Variants in SLC9A9 observed in about 807,000 individuals in gnomAD.
SLC9A9 encodes sodium/hydrogen exchanger 9.
SLC9A9 carries 62 observed loss-of-function variants against 77.8 expected under a neutral mutation model. That is an observed-to-expected ratio of 0.80 (90% CI 0.65 to 0.98). The LOEUF is 0.98. SLC9A9 is among the 50% of genes least tolerant of loss of function. The pLI is 0.00. For synonymous variants in SLC9A9, 320 were observed against 283.5 expected (o/e 1.13, Z -1.29); for missense variants, 775 against 774.9 (o/e 1.00, Z 0.00).
At chr3:143,426,135 G>C (rs1056094224) in intron 12 of SLC9A9, among the ~76,000 whole-genome samples, 7 of 152,134 alleles carry the variant, frequency 4.6e-5, no homozygotes, top group African/African-American at 1.4e-4. Context: ...TCCTTGCTGA[G>C]ACAAGAGGCA....
chr3:143,414,697 T>C (rs554059774), intron 12 of SLC9A9, among the ~76,000 whole-genome samples: 2 of 152,256 alleles, frequency 1.3e-5, no homozygotes, highest in Non-Finnish European at 2.9e-5. Flanking sequence ...CCTCTCTCTC[T>C]CTCTCCTCAG....
rs1050083981 is a variant in SLC9A9, at chr3:143,816,386, G to T, written c.378+15633C>A. Among the ~76,000 whole-genome samples the T allele has an allele frequency of 5.9e-5, 9 of 152,052 alleles. No individual in the cohort carries two copies. The East Asian group carries it at 1.3e-3, about 23-fold the overall frequency. ...AACCACCTAATTTTAAAATACTTTT[G>T]TATATTTGTATGTTTTAAAATTGTA... On this transcript the variant is annotated intron_variant, in intron 2 of 15. Coordinates refer to ENST00000316549, the MANE Select transcript of SLC9A9 (RefSeq NM_173653.4).
intron 10 of SLC9A9, 49 bp from the exon 11 acceptor site, chr3:143,493,813 G>T: frequency 7.4e-7 from 1 of 1,349,924 alleles, no homozygotes; most frequent in Non-Finnish European, 1.1e-6. Context: ...CTGCAATGAT[G>T]GTTTGAATCC....
In SLC9A9 at chr3:143,321,928, C is replaced by T. The variant is rs551638804; in HGVS notation, c.1604+41556G>A. On this transcript the variant is annotated intron_variant, in intron 14 of 15. Coordinates refer to ENST00000316549, the MANE Select transcript of SLC9A9 (RefSeq NM_173653.4). ...ATATCCACACAACATCTGGATGAGG[C>T]CTTGTGTCCCAAGTTAGGAACCCTT... is the stretch of plus-strand genomic sequence containing the variant. Among the ~76,000 whole-genome samples, 82 of 152,232 alleles carry T rather than the reference C, an allele frequency of 5.4e-4. 1 individual carries two copies. Among genetic ancestry groups the T allele is most frequent in the African/African-American group, 2.0e-3 (81 of 41,532 alleles).
At chr3:143,622,731 C>T (rs1448767070) in intron 6 of SLC9A9, among the ~76,000 whole-genome samples, 2 of 152,192 alleles carry the variant, frequency 1.3e-5, no homozygotes, top group Non-Finnish European at 2.9e-5. Flanking sequence ...AACCAGCTAA[C>T]ATCACAATGA....
At chr3:143,549,104 A>G (rs933781307) in intron 9 of SLC9A9, among the ~76,000 whole-genome samples, 1 of 152,258 alleles carries the variant, frequency 6.6e-6, no homozygotes, top group Admixed American at 6.5e-5. Context: ...ATGTAACATC[A>G]TATAATACTT....
chr3:143,386,936 G>A (rs1395378011), intron 12 of SLC9A9, among the ~76,000 whole-genome samples: 2 of 152,196 alleles, frequency 1.3e-5, no homozygotes, highest in Admixed American at 6.5e-5. Flanking sequence ...CACCTCCTGG[G>A]TTCAAGTGAT....
chr3:143,568,484 T>A (rs1243795144), intron 8 of SLC9A9, among the ~76,000 whole-genome samples: 1 of 152,186 alleles, frequency 6.6e-6, no homozygotes, highest in Non-Finnish European at 1.5e-5. Flanking sequence ...CTTCATTTTT[T>A]AACTTAATAA....
chr3:143,441,890 C>G (rs373810258), intron 12 of SLC9A9, among the ~76,000 whole-genome samples: 1 of 151,618 alleles, frequency 6.6e-6, no homozygotes, highest in African/African-American at 2.4e-5. Context: ...ACTCATCCAT[C>G]CATCTCTACT....
At chr3:143,811,944 C>G (rs2008879512) in intron 2 of SLC9A9, among the ~76,000 whole-genome samples, 1 of 151,580 alleles carries the variant, frequency 6.6e-6, no homozygotes, top group Admixed American at 6.6e-5. Context: ...AATATTGAAG[C>G]AATGGTTTGA....
At chr3:143,726,942 T>G (rs1258659664) in intron 4 of SLC9A9, among the ~76,000 whole-genome samples, 1 of 152,138 alleles carries the variant, frequency 6.6e-6, no homozygotes, top group African/African-American at 2.4e-5. Context: ...ACTGCAACTG[T>G]TTTTTAATAA....
chr3:143,570,504 CAT>C (rs1161117690), intron 8 of SLC9A9, among the ~76,000 whole-genome samples: 1 of 152,004 alleles, frequency 6.6e-6, no homozygotes, highest in Non-Finnish European at 1.5e-5. Flanking sequence ...CAGGCAGTTA[CAT>C]AAATAAAAAT....
chr3:143,603,213 T>C (rs2037870887), intron 6 of SLC9A9, among the ~76,000 whole-genome samples: 1 of 152,210 alleles, frequency 6.6e-6, no homozygotes, highest in Admixed American at 6.5e-5. Context: ...CTTCATCCAA[T>C]ACTTAAAAGT....
intron 2 of SLC9A9, among the ~76,000 whole-genome samples, chr3:143,830,168 C>A (rs72997316): frequency 0.089 from 13,589 of 152,156 alleles, 1,876 homozygotes; most frequent in African/African-American, 0.3. Context: ...TAAACAAAAT[C>A]TTTTCCCCTT....
chr3:143,695,334 T>C (rs1363149776), intron 4 of SLC9A9, among the ~76,000 whole-genome samples: 3 of 152,108 alleles, frequency 2.0e-5, no homozygotes, highest in Non-Finnish European at 4.4e-5. Context: ...GTCCCTTCCC[T>C]AGTCCCCCAC....
chr3:143,511,482 G>A (rs1022474888), intron 9 of SLC9A9, among the ~76,000 whole-genome samples: 3 of 152,142 alleles, frequency 2.0e-5, no homozygotes, highest in African/African-American at 4.8e-5. Flanking sequence ...TTTTGAAGTT[G>A]GAATTGCTGA....
intron 9 of SLC9A9, among the ~76,000 whole-genome samples, chr3:143,548,264 G>A (rs761054230): frequency 6.6e-6 from 1 of 152,106 alleles, no homozygotes; most frequent in Non-Finnish European, 1.5e-5. Flanking sequence ...CTGGAGTTTG[G>A]CGCAGATAGC....
At chr3:143,628,929 T>C (rs961371904) in intron 6 of SLC9A9, among the ~76,000 whole-genome samples, 6 of 152,188 alleles carry the variant, frequency 3.9e-5, no homozygotes, top group African/African-American at 1.4e-4. Context: ...ATAATAATAA[T>C]GTAGTTCAGT....
In SLC9A9 at chr3:143,791,181, G is replaced by A. The variant is rs139480924; in HGVS notation, c.533+3820C>T. Among the ~76,000 whole-genome samples the A allele has an allele frequency of 6.9e-3, 1,058 of 152,320 alleles. 7 individuals are homozygous for A. Among genetic ancestry groups the A allele is most frequent in the Middle Eastern group, 0.041 (12 of 294 alleles). Reference sequence around the variant, plus strand: ...AGTGATAAAATGGGAGAGGGTACTAGAGAAGGTAGGTGAATTCTTTCCGAG... The same window carrying A: ...AGTGATAAAATGGGAGAGGGTACTAAAGAAGGTAGGTGAATTCTTTCCGAG... On this transcript the variant is annotated intron_variant, in intron 4 of 15. Transcript: ENST00000316549.
Sources: gnomAD v4.1 joint callset for allele counts (sites outside exome capture counted in the v4.1 genomes callset) on GRCh38, gnomAD v4.1.1 for gene constraint, MANE v1.5 for transcripts, NCBI Gene and HGNC (gene_info 2026-07-23, HGNC 2026-07-21) for gene names.